Variants in STK32B observed in about 807,000 individuals in gnomAD.
STK32B encodes the protein serine/threonine-protein kinase 32B.
A neutral mutation model predicts 52.6 loss-of-function variants in STK32B; 43 were observed. The observed-to-expected ratio is 0.82, with a 90% CI of 0.64 to 1.05. The LOEUF is 1.05. Among genes scored for constraint, STK32B ranks in the 50% least tolerant of loss-of-function variants. STK32B has a pLI of 0.00. For missense variants in STK32B, 621 were observed against 534.6 expected (o/e 1.16, Z -1.59); for synonymous variants, 238 against 204.3 (o/e 1.17, Z -1.41).
intron 2 of STK32B, among the ~76,000 whole-genome samples, chr4:5,162,391 G>A (rs1449675786): frequency 2.0e-5 from 3 of 152,184 alleles, no homozygotes; most frequent in Non-Finnish European, 4.4e-5. Flanking sequence ...GACATTGTCA[G>A]CGCCCGGAAT....
intron 1 of STK32B, chr4:5,127,067 T>A (rs1399462342): frequency 4.0e-6 from 2 of 502,992 alleles, no homozygotes; most frequent in Non-Finnish European, 7.9e-6. Flanking sequence ...TGGACATTGG[T>A]GCTGCCTAAG....
intron 3 of STK32B, among the ~76,000 whole-genome samples, chr4:5,273,847 G>A (rs1325202527): frequency 8.1e-6 from 1 of 124,046 alleles, no homozygotes; most frequent in African/African-American, 3.0e-5. Context: ...TGTGGTGGGT[G>A]GGGGGAGGGG....
chr4:5,397,340 A>T (rs1736985306), intron 4 of STK32B, among the ~76,000 whole-genome samples: 1 of 152,184 alleles, frequency 6.6e-6, no homozygotes, highest in Non-Finnish European at 1.5e-5. Context: ...CTCCATCCTT[A>T]TACTCAGTGG....
chr4:5,025,521 T>G, the STK32B span, among the ~76,000 whole-genome samples: 1 of 152,160 alleles, frequency 6.6e-6, no homozygotes, highest in African/African-American at 2.4e-5. Context: ...TCCCTACTCC[T>G]TTACCCTGTT....
chr4:5,446,801 A>G (rs766842253), intron 7 of STK32B, 25 bp downstream of exon 7: 3 of 1,610,534 alleles, frequency 1.9e-6, no homozygotes, highest in Admixed American at 1.7e-5. Context: ...TGTGCGGTAC[A>G]CACGAGGGGC....
chr4:5,311,916 T>TATATATA (rs201864559), intron 3 of STK32B, among the ~76,000 whole-genome samples: 10 of 130,364 alleles, frequency 7.7e-5, no homozygotes, highest in African/African-American at 3.6e-4. Flanking sequence ...ATATATATAT[T>TATATATA]TTTTTTTAAA....
At chr4:5,472,859 A>T (rs1395901208) in intron 11 of STK32B, among the ~76,000 whole-genome samples, 1 of 152,100 alleles carries the variant, frequency 6.6e-6, no homozygotes, top group Non-Finnish European at 1.5e-5. Context: ...GGGTTTCTCA[A>T]CCTTGGCACT....
intron 3 of STK32B, among the ~76,000 whole-genome samples, chr4:5,194,991 T>C (rs746907966): frequency 1.7e-4 from 26 of 152,010 alleles, no homozygotes; most frequent in Non-Finnish European, 2.5e-4. Context: ...GCCTCCAACA[T>C]TGGGGATTAT....
At chr4:5,341,081 C>T (rs1733043032) in intron 4 of STK32B, among the ~76,000 whole-genome samples, 1 of 152,192 alleles carries the variant, frequency 6.6e-6, no homozygotes, top group African/African-American at 2.4e-5. Context: ...TCAAATTGCA[C>T]TGAACTGTTT....
At chr4:5,264,884 A>G (rs1256471229) in intron 3 of STK32B, among the ~76,000 whole-genome samples, 2 of 152,222 alleles carry the variant, frequency 1.3e-5, no homozygotes, top group African/African-American at 2.4e-5. Context: ...TTATCCCAAC[A>G]TATGGCTTGC....
At chr4:5,279,142 A>G (rs942576615) in intron 3 of STK32B, among the ~76,000 whole-genome samples, 1 of 152,190 alleles carries the variant, frequency 6.6e-6, no homozygotes, top group East Asian at 1.9e-4. Context: ...TCATTCCAGC[A>G]CTAACTTGAA....
Position 5,398,260 on chromosome 4 carries a change from A to G in STK32B, c.472+16A>G, listed in dbSNP as rs1306333492. ...GATGAACACGGTAAGCCTGCTACTA[A>G]TCCTTTACAGGGACTCTCAGTGGAA... On this transcript the variant is annotated intron_variant, in intron 5 of 11. Coordinates refer to ENST00000282908, the MANE Select transcript of STK32B (RefSeq NM_018401.3). The surrounding 1 kb of genome is among the most constrained non-coding windows in gnomAD (Gnocchi z 4.9). The G allele has an allele frequency of 6.2e-7, 1 of 1,613,896 alleles. No individual in the cohort carries two copies. The highest frequency in any genetic ancestry group is 8.5e-7 in the Non-Finnish European group (1 of 1,179,918).
At chr4:5,339,210 C>T (rs890777613) in intron 4 of STK32B, among the ~76,000 whole-genome samples, 3 of 152,170 alleles carry the variant, frequency 2.0e-5, no homozygotes, top group Admixed American at 6.5e-5. Context: ...TGTCCTGGGT[C>T]TCCAGCTTGC....
At chr4:5,269,462 A>C (rs943333367) in intron 3 of STK32B, among the ~76,000 whole-genome samples, 2 of 152,234 alleles carry the variant, frequency 1.3e-5, no homozygotes, top group African/African-American at 2.4e-5. Context: ...TCAGGAACAC[A>C]AAAAGGTAAT....
chr4:5,346,461 T>G (rs915795097), intron 4 of STK32B, among the ~76,000 whole-genome samples: 1 of 152,128 alleles, frequency 6.6e-6, no homozygotes, highest in East Asian at 1.9e-4. Flanking sequence ...AACCCAAACC[T>G]CTGACTTAGT....
chr4:5,232,318 A>G (rs773261307), intron 3 of STK32B, among the ~76,000 whole-genome samples: 1 of 152,242 alleles, frequency 6.6e-6, no homozygotes, highest in African/African-American at 2.4e-5. Flanking sequence ...ATCTAAGAGC[A>G]TGGCAAAGTA....
At chr4:5,036,297 A>G in the STK32B span, among the ~76,000 whole-genome samples, 1 of 152,136 alleles carries the variant, frequency 6.6e-6, no homozygotes, top group East Asian at 1.9e-4. Flanking sequence ...TAGCCCTGAC[A>G]TGTAGTAGGT....
chr4:5,485,592 A>G (rs889440131), intron 11 of STK32B, among the ~76,000 whole-genome samples: 1 of 152,094 alleles, frequency 6.6e-6, no homozygotes, highest in Non-Finnish European at 1.5e-5. Context: ...CAACTTGTCA[A>G]AGTCATTCTC....
intron 3 of STK32B, among the ~76,000 whole-genome samples, chr4:5,276,300 A>T (rs1727817527): frequency 6.6e-6 from 1 of 152,068 alleles, no homozygotes; most frequent in African/African-American, 2.4e-5. Context: ...AAAAAAGAAA[A>T]AAAAATTCAT....
Sources: allele counts gnomAD v4.1 joint callset (sites outside exome capture counted in the v4.1 genomes callset), GRCh38; gene constraint gnomAD v4.1.1; non-coding constraint Gnocchi (gnomAD v3.1); transcripts MANE v1.5; gene names NCBI Gene and HGNC (gene_info 2026-07-23, HGNC 2026-07-21).